Variants in ADAMTSL2 observed in about 807,000 individuals in gnomAD.
The protein encoded by ADAMTSL2 is ADAMTS like 2.
Under a neutral mutation model 117.0 loss-of-function variants are expected in ADAMTSL2, and 55 were observed. The observed-to-expected ratio is 0.47, with a 90% confidence interval of 0.38 to 0.59. The LOEUF is 0.59. Ranked by LOEUF, ADAMTSL2 falls within the 20% of genes least tolerant of loss-of-function variation. The probability of loss-of-function intolerance (pLI) is 0.00; values close to 1 mark genes in which losing one functional copy is unlikely to be tolerated. For missense variants in ADAMTSL2, 1,182 were observed against 1,354.5 expected (o/e 0.87, Z 2.00); for synonymous variants, 572 against 566.4 (o/e 1.01, Z -0.14).
chr9:133,545,676 A>T (rs1032973910), intron 8 of ADAMTSL2, among the ~76,000 whole-genome samples: 2 of 152,174 alleles, frequency 1.3e-5, no homozygotes, highest in Non-Finnish European at 2.9e-5. Context: ...GAAACTCCAC[A>T]TTCTCTGAGC....
In ADAMTSL2 at chr9:133,550,930, A is replaced by T. The variant is rs535890587; in HGVS notation, c.940-3427A>T. Among the ~76,000 whole-genome samples, 82 of 151,876 alleles carry T rather than the reference A, an allele frequency of 5.4e-4. 1 individual carries two copies. The South Asian group carries it at 0.017, about 31-fold the overall frequency. On this transcript the variant is annotated intron_variant, in intron 9 of 18. Coordinates refer to ENST00000651351, the MANE Select transcript of ADAMTSL2 (RefSeq NM_014694.4). ...GTACAAATGAACAAATGAAAGGAAG[A>T]CCTCCATCCTTTATGCCTACTCCCT...
rs904068964 is a variant in ADAMTSL2, at chr9:133,554,541, C to T, written c.1124C>T (p.Ser375Phe). Residue 375 changes from serine to phenylalanine, a missense_variant, in exon 10 of 19, where the codon TCC becomes TTC. Ser to Phe is a radical substitution (Grantham distance 155, BLOSUM62 -2). Around this residue, in one of 3 missense-constraint regions of ADAMTSL2, gnomAD observed 345 missense variants for 325.8 expected, o/e 1.06. Transcript: ENST00000651351. The surrounding 1 kb of genome is among the most constrained non-coding windows in gnomAD (Gnocchi z 5.2). ...PHNGSLYGQA[S>F]SERLGLDNRL... ...AACGGCTCCCTCTACGGCCAGGCCT[C>T]CTCAGAGCGGCTGGGCCTGGACAAC... is the stretch of plus-strand genomic sequence containing the variant. 5 of 1,549,142 alleles carry T rather than the reference C, an allele frequency of 3.2e-6. No homozygotes were observed. Among genetic ancestry groups the T allele is most frequent in the Admixed American group, 3.9e-5 (2 of 51,090 alleles).
rs372386335 is a variant in ADAMTSL2, at chr9:133,566,270, A to G, written c.1748-666A>G. ...CAGCCTGGCCAACATGGTGAAACCC[A>G]ATTTCCATAAAAATACAAAAATTAG... is the stretch of plus-strand genomic sequence containing the variant. On this transcript the variant is annotated intron_variant, in intron 12 of 18. Transcript: ENST00000651351. 7.6e-3 allele frequency among the ~76,000 whole-genome samples: 1,153 copies of G among 152,292 alleles called. 11 individuals carry two copies. The highest frequency in any genetic ancestry group is 0.027 in the African/African-American group (1,106 of 41,558).
intron 12 of ADAMTSL2, among the ~76,000 whole-genome samples, chr9:133,564,962 C>T (rs1032149450): frequency 1.3e-5 from 2 of 152,162 alleles, no homozygotes; most frequent in African/African-American, 4.8e-5. Context: ...GCTTTGGCCG[C>T]GGTGGGGAAG....
At chr9:133,569,654 T>TG in intron 16 of ADAMTSL2, 76 bp downstream of exon 16, 1 of 1,427,872 alleles carries the variant, frequency 7.0e-7, no homozygotes, top group Middle Eastern at 2.0e-4. Context: ...GCCAGATGGC[T>TG]GGGACCACAG....
chr9:133,564,242 GAA>G lies in ADAMTSL2; in HGVS notation c.1748-2692_1748-2691del, dbSNP rs1322992969. 1.2e-4 allele frequency among the ~76,000 whole-genome samples: 8 copies of G among 65,488 alleles called. No individual in the cohort carries two copies. The East Asian group carries it at 1.7e-3, about 14-fold the overall frequency. 43.0% of individuals were successfully genotyped at this position (65,488 alleles called of 152,430 possible). A position where few individuals can be genotyped will look rare whatever the true frequency, so the allele number is the denominator to read the frequency against. On this transcript the variant is annotated intron_variant, in intron 12 of 18. Transcript: ENST00000651351. ...AGGGAGAGAGAGGGAGAGAGAGAGA[GAA>G]AGAGGGAGAGAGAGAGGGAGAGAGA...
chr9:133,532,879 C>T (rs1330915156), upstream of ADAMTSL2, among the ~76,000 whole-genome samples: 3 of 152,212 alleles, frequency 2.0e-5, no homozygotes, highest in Non-Finnish European at 4.4e-5. Context: ...GCTGGCCCCA[C>T]AGACCCGTCT....
chr9:133,569,773 A>G (rs1451758826), intron 16 of ADAMTSL2, among the ~76,000 whole-genome samples, 195 bp downstream of exon 16: 2 of 152,252 alleles, frequency 1.3e-5, no homozygotes, highest in African/African-American at 2.4e-5. Flanking sequence ...CAAGTCCCCA[A>G]ATCTCAATTT....
chr9:133,550,390 G>A (rs141971204), intron 9 of ADAMTSL2, among the ~76,000 whole-genome samples: 156 of 152,292 alleles, frequency 1.0e-3, no homozygotes, highest in African/African-American at 3.5e-3. Flanking sequence ...GATACGGCAG[G>A]CCCAGTGGAT....
intron 14 of ADAMTSL2, 54 bp from the exon 15 acceptor site, chr9:133,568,549 G>A: frequency 6.4e-7 from 1 of 1,560,702 alleles, no homozygotes; most frequent in Non-Finnish European, 8.7e-7. Flanking sequence ...TTGGGAGATG[G>A]AGGTGGCTAC....
intron 9 of ADAMTSL2, among the ~76,000 whole-genome samples, chr9:133,550,843 T>C (rs1278399254): frequency 6.6e-6 from 1 of 152,192 alleles, no homozygotes; most frequent in East Asian, 1.9e-4. Flanking sequence ...CTGTGTCCAG[T>C]GGCAAGGCCA....
At chr9:133,533,386 C>A, upstream of ADAMTSL2, among the ~76,000 whole-genome samples, 1 of 152,268 alleles carries the variant, frequency 6.6e-6, no homozygotes, top group South Asian at 2.1e-4. Context: ...GCCCGAGGGT[C>A]CCGGGGAGAG....
At chr9:133,547,886 C>T (rs1036552449) in intron 9 of ADAMTSL2, among the ~76,000 whole-genome samples, 1 of 152,204 alleles carries the variant, frequency 6.6e-6, no homozygotes, top group African/African-American at 2.4e-5. Flanking sequence ...CCTGTTATGC[C>T]CGACTTGCCA....
In ADAMTSL2 at chr9:133,555,732, A is replaced by G. The variant is rs1830591250; in HGVS notation, c.1451A>G (p.Gln484Arg). Residue 484 changes from glutamine to arginine, a missense_variant, in exon 11 of 19, where the codon CAG (glutamine) becomes CGG (arginine). Physicochemically the swap from Gln to Arg is conservative, Grantham distance 43 (BLOSUM62 1). Transcript: ENST00000651351. ...LNETVNSIFA[Q>R]GAPRSSLAES... The stretch of plus-strand genomic sequence containing the variant: ...GAGACTGTGAACAGCATCTTTGCAC[A>G]GGGCGCCCCAAGGAGCTCCCTGGCC... The G allele has an allele frequency of 7.4e-6, 12 of 1,613,906 alleles. No homozygotes were observed. The highest frequency in any genetic ancestry group is 9.3e-6 in the Non-Finnish European group (11 of 1,180,032).
intron 11 of ADAMTSL2, among the ~76,000 whole-genome samples, chr9:133,559,392 G>A (rs1830676887): frequency 2.1e-5 from 3 of 143,534 alleles, no homozygotes; most frequent in Non-Finnish European, 4.5e-5. Flanking sequence ...CTGTTGCTCA[G>A]GAGTGCAGTG....
rs1830719783 is a variant in ADAMTSL2 at position 133,561,195 on chromosome 9, C to T, written c.1650-3C>T. 1.2e-6 allele frequency: 2 copies of T among 1,603,560 alleles called. No individual in the cohort carries two copies. On this transcript the variant is annotated splice_polypyrimidine_tract_variant and splice_region_variant and intron_variant, in intron 11 of 18. Transcript: ENST00000651351. ...CACCTTCCCTGCTTGGTCTCGCTTTCAGGACCAGGCCCAAGGCGCGCAAGC... is the reference window on the plus strand; with the variant it reads ...CACCTTCCCTGCTTGGTCTCGCTTTTAGGACCAGGCCCAAGGCGCGCAAGC...
At chr9:133,565,450 C>G (rs1375314352) in intron 12 of ADAMTSL2, among the ~76,000 whole-genome samples, 3 of 152,144 alleles carry the variant, frequency 2.0e-5, no homozygotes, top group African/African-American at 4.8e-5. Context: ...TGCAAGTCCC[C>G]AGCCCCGCAC....
At position 133,574,898 on chromosome 9, in the gene ADAMTSL2, C is replaced by A; in HGVS notation, c.*34C>A. ...GCTGCAGCCCCTTCCAGATGAAGACCAAGCGCCCCTCCTGGGGCTGCTGCA... is the reference window on the plus strand; with the variant it reads ...GCTGCAGCCCCTTCCAGATGAAGACAAAGCGCCCCTCCTGGGGCTGCTGCA... On this transcript the variant is annotated 3_prime_UTR_variant, in exon 19 of 19. Coordinates refer to ENST00000651351, the MANE Select transcript of ADAMTSL2 (RefSeq NM_014694.4). The A allele has an allele frequency of 6.4e-7, 1 of 1,551,608 alleles. No individual in the cohort carries two copies. Among genetic ancestry groups the A allele is most frequent in the Non-Finnish European group, 8.9e-7 (1 of 1,124,624 alleles).
rs1296180151 is a variant in ADAMTSL2, at chr9:133,549,054, T to C, written c.939+1841T>C. 6.2e-4 allele frequency among the ~76,000 whole-genome samples: 3 copies of C among 4,828 alleles called. 1 individual carries two copies. The highest frequency in any genetic ancestry group is 2.0e-3 in the African/African-American group (3 of 1,522). The allele number at this position is 4,828 out of a possible 152,430, so 3.2% of individuals were successfully genotyped here. On this transcript the variant is annotated intron_variant, in intron 9 of 18. Transcript: ENST00000651351. ...TCTCGCTCTGTCGCCCAGGCTGGAG[T>C]GCAGTGGCGGGATCTCGGCTCACTG...
Sources: gnomAD v4.1 joint callset for allele counts (sites outside exome capture counted in the v4.1 genomes callset) on GRCh38, gnomAD v4.1.1 for gene constraint, gnomAD v4.1.1 regional missense constraint, Gnocchi (gnomAD v3.1) non-coding constraint, MANE v1.5 for transcripts, NCBI Gene and HGNC (gene_info 2026-07-23, HGNC 2026-07-21) for gene names.